The following COL4A4 variants were observed in gnomAD, a reference collection of about 807,000 sequenced individuals.
COL4A4 encodes collagen type IV alpha 4 chain.
COL4A4 carries 105 observed loss-of-function variants against 192.9 expected under a neutral mutation model. The observed-to-expected ratio is 0.54, with a 90% CI of 0.46 to 0.64. The LOEUF (loss-of-function observed/expected upper bound fraction) is 0.64. COL4A4 is among the 30% of genes least tolerant of loss of function. COL4A4 has a pLI of 0.00. For missense variants in COL4A4, 1,967 were observed against 2,169.3 expected (o/e 0.91, Z 1.85); for synonymous variants, 762 against 769.9 (o/e 0.99, Z 0.17).
intron 36 of COL4A4, 32 bp downstream of exon 36, chr2:227,043,045 T>C: frequency 6.8e-7 from 1 of 1,467,188 alleles, no homozygotes; most frequent in Non-Finnish European, 9.5e-7. Context: ...ACAAGAGTGC[T>C]CAGGAAGTCT....
At chr2:227,113,204 T>C (rs1208480274) in intron 8 of COL4A4, among the ~76,000 whole-genome samples, 1 of 152,242 alleles carries the variant, frequency 6.6e-6, no homozygotes, top group East Asian at 1.9e-4. Context: ...CAACTCTCCA[T>C]GTAGTTGCCA....
chr2:227,099,619 C>T lies in COL4A4; in HGVS notation c.1099+1G>A, dbSNP rs1372782305. On this transcript the variant is annotated splice_donor_variant, in intron 18 of 47. Coordinates refer to ENST00000396625, the MANE Select transcript of COL4A4 (RefSeq NM_000092.5). LOFTEE classifies it high-confidence loss of function. ...TGGAGGAACTGAATAGGAACACAAA[C>T]CTTTGAGTGGAAGAGGTGGAGTCAC... The T allele has an allele frequency of 4.3e-6, 7 of 1,613,970 alleles. No homozygotes were observed. The highest frequency in any genetic ancestry group is 4.2e-6 in the Non-Finnish European group (5 of 1,179,840).
chr2:227,094,174 T>G lies in COL4A4; in HGVS notation c.1320A>C (p.Ser440=). ...SAPGKPGKPG[S]PGLPGAPGLQ... ...GGCCTGGTGCTCCAGGCAAGCCAGG[T>G]GATCCTGGCTTCCCTGGTTTTCCTG... Residue 440 remains serine, a synonymous_variant, in exon 20 of 48, where the codon TCA becomes TCC. Transcript: ENST00000396625. 7 of 1,613,730 alleles carry G rather than the reference T, an allele frequency of 4.3e-6. No homozygotes were observed. The highest frequency in any genetic ancestry group is 1.3e-5 in the African/African-American group (1 of 75,026).
intron 44 of COL4A4, 142 bp downstream of exon 44, chr2:227,021,906 G>A (rs1966085200): frequency 3.4e-6 from 3 of 874,966 alleles, no homozygotes; most frequent in Non-Finnish European, 5.4e-6. Context: ...TTGGATCAAG[G>A]TAGAAACAAA....
At chr2:227,052,518 G>GA in intron 31 of COL4A4, 106 bp from the exon 32 acceptor site, 1 of 743,660 alleles carries the variant, frequency 1.3e-6, no homozygotes, top group South Asian at 1.4e-5. Context: ...CTTAACCTAC[G>GA]AAGCTCTATT....
downstream of COL4A4, among the ~76,000 whole-genome samples, chr2:227,002,208 T>C (rs994112926): frequency 6.6e-6 from 1 of 150,748 alleles, no homozygotes; most frequent in Admixed American, 6.6e-5. Context: ...AAAGCAGTTA[T>C]TGAATATCTG....
At chr2:227,150,201 C>T (rs181544981) in intron 1 of COL4A4, among the ~76,000 whole-genome samples, 3 of 151,970 alleles carry the variant, frequency 2.0e-5, no homozygotes, top group South Asian at 2.1e-4. Context: ...TAAGTGAGGG[C>T]GTGGAAGAAG....
intron 25 of COL4A4, among the ~76,000 whole-genome samples, chr2:227,068,288 T>C (rs1356531385): frequency 2.0e-5 from 3 of 152,062 alleles, no homozygotes; most frequent in African/African-American, 7.2e-5. Context: ...CTACCAGAGG[T>C]ACAAGGAGGA....
intron 7 of COL4A4, 121 bp from the exon 8 acceptor site, chr2:227,114,817 A>G (rs12465531): frequency 1.3e-6 from 1 of 798,288 alleles, no homozygotes; most frequent in Non-Finnish European, 2.1e-6. Flanking sequence ...GATTAACAAG[A>G]AGACATTTCT....
chr2:226,989,395 T>C, the COL4A4 span, among the ~76,000 whole-genome samples: 2 of 152,192 alleles, frequency 1.3e-5, no homozygotes, highest in African/African-American at 4.8e-5. Context: ...GTATAGTAAC[T>C]GGAAGGGGGC....
rs1179125792 is a variant in COL4A4, at chr2:227,014,892, CTT to C, written c.4217-2597_4217-2596del. On this transcript the variant is annotated intron_variant, in intron 44 of 47. Coordinates refer to ENST00000396625, the MANE Select transcript of COL4A4 (RefSeq NM_000092.5). ...TACAGGCACGGGCCACCATGCCTGGCTTTTTTTTTTTTTTTTTTTTTTCTGAG... is the reference window on the plus strand; with the variant it reads ...TACAGGCACGGGCCACCATGCCTGGCTTTTTTTTTTTTTTTTTTTTCTGAG... Among the ~76,000 whole-genome samples, 411 of 106,552 alleles carry C rather than the reference CTT, an allele frequency of 3.9e-3. 1 individual carries two copies. Among genetic ancestry groups the C allele is most frequent in the African/African-American group, 0.014 (373 of 26,176 alleles). 69.9% of individuals were successfully genotyped at this position (106,552 alleles called of 152,430 possible).
intron 44 of COL4A4, among the ~76,000 whole-genome samples, chr2:227,020,316 T>C (rs1446446001): frequency 6.6e-6 from 1 of 152,198 alleles, no homozygotes; most frequent in Non-Finnish European, 1.5e-5. Flanking sequence ...CAGAACTTTA[T>C]GCATGCAAGG....
At chr2:227,024,759 A>C (rs1966676807) in intron 43 of COL4A4, among the ~76,000 whole-genome samples, 4 of 152,266 alleles carry the variant, frequency 2.6e-5, no homozygotes, top group Admixed American at 1.3e-4. Flanking sequence ...ATGTATTTTT[A>C]TAATAAGTAC....
rs191680348 is a variant in COL4A4, at chr2:227,119,220, T to G, written c.373-459A>C. Among the ~76,000 whole-genome samples the G allele has an allele frequency of 1.8e-3, 277 of 152,158 alleles. 6 individuals are homozygous for G. The highest frequency in any genetic ancestry group is 0.018 in the Admixed American group (277 of 15,268). On this transcript the variant is annotated intron_variant, in intron 6 of 47. Transcript: ENST00000396625. ...ATACCTAGCTCATATTTTGGAATTT[T>G]TTCTCTAACCTGTTAGAAAACGTTG...
intron 25 of COL4A4, among the ~76,000 whole-genome samples, chr2:227,071,257 A>G (rs2058705784): frequency 6.6e-6 from 1 of 152,148 alleles, no homozygotes; most frequent in African/African-American, 2.4e-5. Flanking sequence ...CTATTCTTGT[A>G]TCAGAAAAAA....
intron 4 of COL4A4, among the ~76,000 whole-genome samples, chr2:227,127,303 A>G (rs533181937): frequency 4.7e-4 from 71 of 152,332 alleles, no homozygotes; most frequent in African/African-American, 1.7e-3. Flanking sequence ...AAGCCACTAG[A>G]TCATCTCTTT....
chr2:226,988,422 T>C, the COL4A4 span: 1 of 1,550,472 alleles, frequency 6.4e-7, no homozygotes, highest in African/African-American at 1.4e-5. Context: ...CTGGGAAGCC[T>C]GAAGCAGGCC....
chr2:227,039,843 T>C (rs1223367695), intron 37 of COL4A4, among the ~76,000 whole-genome samples: 1 of 152,228 alleles, frequency 6.6e-6, no homozygotes, highest in Non-Finnish European at 1.5e-5. Flanking sequence ...ATCATTTGCC[T>C]GAAATCCTAA....
intron 25 of COL4A4, among the ~76,000 whole-genome samples, chr2:227,070,782 G>A (rs2058674505): frequency 6.6e-6 from 1 of 151,524 alleles, no homozygotes; most frequent in Non-Finnish European, 1.5e-5. Flanking sequence ...GCTAGATGAC[G>A]AGTTAGTGGG....
Sources: gnomAD v4.1 joint callset for allele counts (sites outside exome capture counted in the v4.1 genomes callset) on GRCh38, gnomAD v4.1.1 for gene constraint, MANE v1.5 for transcripts, NCBI Gene and HGNC (gene_info 2026-07-23, HGNC 2026-07-21) for gene names.